The following AFF3 variants were observed in gnomAD, a reference collection of about 807,000 sequenced individuals.
The protein encoded by AFF3 is ALF transcription elongation factor 3.
In AFF3, 32 loss-of-function variants were observed where a neutral mutation model predicts 129.7. The observed-to-expected ratio is 0.25, with a 90% CI of 0.19 to 0.33. The LOEUF (loss-of-function observed/expected upper bound fraction) is 0.33, where lower values mean the gene tolerates loss of function less well. Ranked by LOEUF, AFF3 falls within the 10% of genes least tolerant of loss-of-function variation. The probability of loss-of-function intolerance (pLI) is 1.00; values close to 1 mark genes in which losing one functional copy is unlikely to be tolerated. For missense variants in AFF3, 1,373 were observed against 1,592.0 expected (o/e 0.86, Z 2.34); for synonymous variants, 644 against 635.4 (o/e 1.01, Z -0.20).
intron 8 of AFF3, among the ~76,000 whole-genome samples, chr2:99,758,254 T>G (rs1558822018): frequency 6.6e-6 from 1 of 152,156 alleles, no homozygotes; most frequent in Admixed American, 6.5e-5. Context: ...CAAACTCAAT[T>G]TTCGTAATTC....
At chr2:99,819,315 A>G (rs1344809532) in intron 8 of AFF3, among the ~76,000 whole-genome samples, 1 of 152,244 alleles carries the variant, frequency 6.6e-6, no homozygotes, top group African/African-American at 2.4e-5. Context: ...ATTCTTTCCT[A>G]TAGCCAAGAA....
chr2:99,630,444 T>G (rs1683019282), intron 13 of AFF3: 1 of 152,100 alleles, frequency 6.6e-6, no homozygotes, highest in African/African-American at 2.4e-5. Flanking sequence ...AGGATTACAG[T>G]CCCAGGGAGA....
At chr2:100,050,993 C>G (rs1686281346) in intron 4 of AFF3, among the ~76,000 whole-genome samples, 1 of 152,210 alleles carries the variant, frequency 6.6e-6, no homozygotes, top group Non-Finnish European at 1.5e-5. Context: ...GAGAAACTGC[C>G]CAACATGCTC....
chr2:99,824,238 C>T (rs1687909894), intron 8 of AFF3, among the ~76,000 whole-genome samples: 2 of 152,032 alleles, frequency 1.3e-5, no homozygotes, highest in South Asian at 4.1e-4. Context: ...GCCTCAGCCT[C>T]CCCAGTAGCT....
intron 2 of AFF3, chr2:100,106,873 A>G (rs903968831): frequency 1.9e-5 from 19 of 985,368 alleles, no homozygotes; most frequent in Non-Finnish European, 2.0e-5. Context: ...CCAGAAAAGG[A>G]AAGAGGGAAG....
chr2:99,687,696 A>G (rs934063937), intron 11 of AFF3, among the ~76,000 whole-genome samples: 1 of 152,164 alleles, frequency 6.6e-6, no homozygotes, highest in Non-Finnish European at 1.5e-5. Context: ...GTTATTTATA[A>G]ATATGCTTTT....
rs184080095 is a variant in AFF3 at position 100,042,628 on chromosome 2, T to C, written c.54-33696A>G. Reference sequence around the variant, plus strand: ...CAGAAAAAAAAATTTAGCAGCTGCATACTTAATTATGATTAAGTAATCAAA... The same window carrying C: ...CAGAAAAAAAAATTTAGCAGCTGCACACTTAATTATGATTAAGTAATCAAA... On this transcript the variant is annotated intron_variant, in intron 4 of 24. Transcript: ENST00000672756. 6.1e-3 allele frequency among the ~76,000 whole-genome samples: 927 copies of C among 152,322 alleles called. 35 individuals carry two copies. The highest frequency in any genetic ancestry group is 0.056 in the Admixed American group (861 of 15,304).
chr2:100,068,563 A>C (rs1687911425), intron 4 of AFF3, among the ~76,000 whole-genome samples: 1 of 152,174 alleles, frequency 6.6e-6, no homozygotes, highest in South Asian at 2.1e-4. Flanking sequence ...GTAAAAAAGG[A>C]CTTGACTTAT....
intron 7 of AFF3, among the ~76,000 whole-genome samples, chr2:99,961,784 C>T (rs13382597): frequency 1.3e-5 from 2 of 152,100 alleles, no homozygotes; most frequent in African/African-American, 4.8e-5. Context: ...ATTTCCCAAC[C>T]CACAGCCTAT....
At chr2:100,013,250 T>C (rs1350835110) in intron 4 of AFF3, among the ~76,000 whole-genome samples, 1 of 152,236 alleles carries the variant, frequency 6.6e-6, no homozygotes, top group Non-Finnish European at 1.5e-5. Context: ...ACTGTCATCA[T>C]TTCCAAAATT....
At chr2:99,718,525 T>TG (rs1334746846) in intron 11 of AFF3, among the ~76,000 whole-genome samples, 7 of 150,476 alleles carry the variant, frequency 4.7e-5, no homozygotes, top group African/African-American at 1.7e-4. Context: ...CTGATTCTAG[T>TG]ACTTGTTTAG....
intron 7 of AFF3, among the ~76,000 whole-genome samples, chr2:99,979,172 T>A (rs1679167903): frequency 6.6e-6 from 1 of 152,190 alleles, no homozygotes; most frequent in Non-Finnish European, 1.5e-5. Context: ...TGTTCTTGTA[T>A]CGTGCAAAGA....
chr2:100,047,593 T>C (rs2105108012), intron 4 of AFF3, among the ~76,000 whole-genome samples: 1 of 152,330 alleles, frequency 6.6e-6, no homozygotes, highest in South Asian at 2.1e-4. Context: ...TCTCAACAAT[T>C]TTTTTAAACA....
At chr2:100,002,808 T>C (rs17023404) in intron 7 of AFF3, among the ~76,000 whole-genome samples, 1,990 of 152,306 alleles carry the variant, frequency 0.013, 54 homozygotes, top group African/African-American at 0.046. Context: ...AATACACTGC[T>C]GAAGCTGTAA....
chr2:99,580,880 A>G (rs1332953681), intron 17 of AFF3: 1 of 152,328 alleles, frequency 6.6e-6, no homozygotes, highest in East Asian at 1.9e-4. Context: ...TCTGGGTGAC[A>G]GAGCGAGACT....
intron 7 of AFF3, among the ~76,000 whole-genome samples, chr2:99,899,064 C>A (rs780809480): frequency 4.6e-5 from 7 of 152,178 alleles, no homozygotes; most frequent in Non-Finnish European, 8.8e-5. Flanking sequence ...CAGGGCTGGG[C>A]ACACAGATTG....
chr2:99,594,119 G>A lies in AFF3; in HGVS notation c.1542C>T (p.Cys514=). ...TCTCCTTCTCTCTCAGGCTGGGCTG[G>A]CAAACGTCGGGGACTTTCCCACAGT... The part of the protein sequence containing the change: ...VQDCGKVPDV[C]QPSLREKEIK... The change falls in exon 15 of 25, where the codon TGC becomes TGT. Residue 514 remains cysteine, a synonymous_variant. Transcript: ENST00000672756. 1.2e-6 allele frequency: 2 copies of A among 1,614,008 alleles called. No homozygotes were observed. The highest frequency in any genetic ancestry group is 1.7e-6 in the Non-Finnish European group (2 of 1,179,932).
intron 7 of AFF3, among the ~76,000 whole-genome samples, chr2:99,982,255 G>T (rs373696170): frequency 1.3e-5 from 2 of 152,266 alleles, no homozygotes; most frequent in African/African-American, 4.8e-5. Context: ...ATGGGGGCAG[G>T]TCTTTCCCGT....
intron 10 of AFF3, among the ~76,000 whole-genome samples, chr2:99,732,798 A>T (rs1037723169): frequency 4.6e-5 from 7 of 151,890 alleles, no homozygotes; most frequent in Non-Finnish European, 8.8e-5. Context: ...CCAAATTAAC[A>T]CTCCCCAGAC....
Sources: gnomAD v4.1 joint callset for allele counts (sites outside exome capture counted in the v4.1 genomes callset) on GRCh38, gnomAD v4.1.1 for gene constraint, MANE v1.5 for transcripts, NCBI Gene and HGNC (gene_info 2026-07-23, HGNC 2026-07-21) for gene names.